Variants in ARSB observed in about 807,000 individuals in gnomAD.
ARSB encodes the protein N-acetylgalactosamine-4-sulfatase.
ARSB carries 41 observed loss-of-function variants against 50.9 expected under a neutral mutation model. That is an observed-to-expected ratio of 0.81 (90% confidence interval 0.63 to 1.04). The LOEUF is 1.04. ARSB is among the 50% of genes least tolerant of loss of function. ARSB has a pLI of 0.00. For synonymous variants in ARSB, 269 were observed against 284.8 expected, an observed-to-expected ratio of 0.94 and a Z score of 0.56; for missense variants, 672 against 693.3, an observed-to-expected ratio of 0.97 and a Z score of 0.35.
intron 5 of ARSB, among the ~76,000 whole-genome samples, chr5:78,848,564 C>A (rs1023366619): frequency 6.6e-6 from 1 of 151,354 alleles, no homozygotes; most frequent in African/African-American, 2.5e-5. Flanking sequence ...ATTTATAGTC[C>A]TTTGGGTATA....
chr5:78,785,412 G>T (rs1200782920), intron 6 of ARSB, among the ~76,000 whole-genome samples: 3 of 152,174 alleles, frequency 2.0e-5, no homozygotes, highest in Middle Eastern at 3.4e-3. Context: ...TATCTTTATG[G>T]ACATTTTTGT....
chr5:78,850,611 T>C (rs1745720685), intron 5 of ARSB, among the ~76,000 whole-genome samples: 1 of 152,334 alleles, frequency 6.6e-6, no homozygotes, highest in Non-Finnish European at 1.5e-5. Flanking sequence ...TTTCTATTGA[T>C]TGGAATAGTT....
At chr5:78,983,116 C>T (rs554605031) in intron 1 of ARSB, among the ~76,000 whole-genome samples, 1 of 152,220 alleles carries the variant, frequency 6.6e-6, no homozygotes, top group East Asian at 1.9e-4. Context: ...TGCAGTGGTG[C>T]GATCTCGGCT....
At chr5:78,955,598 T>C in intron 3 of ARSB, 96 bp from the exon 4 acceptor site, 5 of 1,011,368 alleles carry the variant, frequency 4.9e-6, no homozygotes, top group Non-Finnish European at 7.7e-6. Flanking sequence ...ATAAAAATAA[T>C]ATCAAGACAA....
chr5:78,796,981 C>T (rs1743208568), intron 6 of ARSB, among the ~76,000 whole-genome samples: 1 of 147,642 alleles, frequency 6.8e-6, no homozygotes. Flanking sequence ...GGGTTCACGC[C>T]ATTCTCCTGC....
At chr5:78,881,024 G>C (rs1305882938) in intron 5 of ARSB, among the ~76,000 whole-genome samples, 1 of 152,132 alleles carries the variant, frequency 6.6e-6, no homozygotes, top group Non-Finnish European at 1.5e-5. Context: ...TTGAGGCCAG[G>C]AGTTCAAGAC....
intron 3 of ARSB, among the ~76,000 whole-genome samples, chr5:78,957,314 T>C (rs1350918162): frequency 2.6e-5 from 4 of 152,196 alleles, no homozygotes; most frequent in South Asian, 2.1e-4. Context: ...TCATTCTTCA[T>C]TGTTGACAAG....
At chr5:78,916,132 AT>A (rs1262351274) in intron 4 of ARSB, among the ~76,000 whole-genome samples, 1 of 152,222 alleles carries the variant, frequency 6.6e-6, no homozygotes, top group African/African-American at 2.4e-5. Context: ...AATATCCAAG[AT>A]ACTTACATCT....
chr5:78,912,757 G>A (rs1034384964), intron 4 of ARSB, among the ~76,000 whole-genome samples: 2 of 152,138 alleles, frequency 1.3e-5, no homozygotes, highest in African/African-American at 4.8e-5. Context: ...TCCCCCATGT[G>A]ACCAACGCAT....
intron 4 of ARSB, among the ~76,000 whole-genome samples, chr5:78,936,768 T>C (rs928386183): frequency 3.3e-5 from 5 of 152,200 alleles, no homozygotes; most frequent in South Asian, 2.1e-4. Flanking sequence ...CAAATAGGAG[T>C]CCTAACAGTA....
intron 6 of ARSB, among the ~76,000 whole-genome samples, chr5:78,824,700 G>A (rs1339416464): frequency 2.0e-5 from 3 of 152,084 alleles, no homozygotes; most frequent in Non-Finnish European, 4.4e-5. Flanking sequence ...CTAATTTCTG[G>A]TATTATCTTT....
chr5:78,938,651 A>G (rs1194049241), intron 4 of ARSB, among the ~76,000 whole-genome samples: 1 of 152,246 alleles, frequency 6.6e-6, no homozygotes, highest in Non-Finnish European at 1.5e-5. Context: ...TGCCAATTGC[A>G]TAAGTATATT....
At chr5:78,897,009 T>A (rs546658544) in intron 4 of ARSB, among the ~76,000 whole-genome samples, 1 of 151,970 alleles carries the variant, frequency 6.6e-6, no homozygotes, top group African/African-American at 2.4e-5. Flanking sequence ...CATACAGTTA[T>A]AGACGAAATA....
chr5:78,837,280 C>T (rs1482538757), intron 6 of ARSB, among the ~76,000 whole-genome samples: 2 of 152,160 alleles, frequency 1.3e-5, no homozygotes, highest in Non-Finnish European at 2.9e-5. Context: ...TCCCCTAGAC[C>T]TAGGTTATAC....
At chr5:78,824,011 T>C (rs1228263790) in intron 6 of ARSB, among the ~76,000 whole-genome samples, 1 of 152,218 alleles carries the variant, frequency 6.6e-6, no homozygotes, top group Non-Finnish European at 1.5e-5. Flanking sequence ...CATAAATGGC[T>C]TGATGCCCTC....
intron 4 of ARSB, among the ~76,000 whole-genome samples, chr5:78,944,795 T>C (rs1486427214): frequency 6.6e-6 from 1 of 152,192 alleles, no homozygotes; most frequent in Non-Finnish European, 1.5e-5. Context: ...ACCACTACTC[T>C]CTTCAAAGCT....
intron 6 of ARSB, among the ~76,000 whole-genome samples, chr5:78,794,291 C>A (rs1040420900): frequency 6.6e-6 from 1 of 151,762 alleles, no homozygotes; most frequent in African/African-American, 2.4e-5. Flanking sequence ...GTTCTTGGCT[C>A]AAAAGGGCAA....
Position 78,885,583 on chromosome 5 carries a change from C to T in ARSB, c.1142+1G>A, listed in dbSNP as rs746396210. On this transcript the variant is annotated splice_donor_variant, in intron 5 of 7. Transcript: ENST00000264914. LOFTEE classifies it high-confidence loss of function. ...GAGGAAAAAGGGCAGGGTGTAGGTA[C>T]CTGATGGTTTTCCACACGTCGAAGC... 1.2e-6 allele frequency: 2 copies of T among 1,613,312 alleles called. No homozygotes were observed. Among genetic ancestry groups the T allele is most frequent in the Non-Finnish European group, 1.7e-6 (2 of 1,180,008 alleles).
rs572170749 is a variant in ARSB, at chr5:78,846,964, T to C, written c.1143-7538A>G. ...GTTGAGTGTTTTGATTATGAAGCGA[T>C]GTTGAATTGTATCAAATCCTTTTTA... On this transcript the variant is annotated intron_variant, in intron 5 of 7. Coordinates refer to ENST00000264914, the MANE Select transcript of ARSB (RefSeq NM_000046.5). Among the ~76,000 whole-genome samples the C allele has an allele frequency of 7.3e-4, 111 of 152,308 alleles. 2 individuals carry two copies. The South Asian group carries it at 0.022, about 30-fold the overall frequency.
Sources: gnomAD v4.1 joint callset for allele counts (sites outside exome capture counted in the v4.1 genomes callset) on GRCh38, gnomAD v4.1.1 for gene constraint, MANE v1.5 for transcripts, NCBI Gene and HGNC (gene_info 2026-07-23, HGNC 2026-07-21) for gene names.